Variants in CLMN observed in about 807,000 individuals in gnomAD.
CLMN encodes calmin (calponin-like, transmembrane).
In CLMN, 57 loss-of-function variants were observed where a neutral mutation model predicts 92.7. The observed-to-expected ratio is 0.61, with a 90% CI of 0.50 to 0.77. The LOEUF is 0.77. Among genes scored for constraint, CLMN ranks in the 30% least tolerant of loss-of-function variants. CLMN has a pLI of 0.00. For synonymous variants in CLMN, 466 were observed against 470.6 expected, an observed-to-expected ratio of 0.99 and a Z score of 0.13; for missense variants, 1,158 against 1,237.5, an observed-to-expected ratio of 0.94 and a Z score of 0.96.
chr14:95,319,641 C>A, intron 1 of CLMN, 70 bp downstream of exon 1: 2 of 1,293,250 alleles, frequency 1.5e-6, no homozygotes, highest in East Asian at 2.7e-5. Flanking sequence ...GGGGAGTTGC[C>A]AAGTGTCGGA....
intron 1 of CLMN, among the ~76,000 whole-genome samples, chr14:95,244,800 C>A (rs886332022): frequency 5.3e-5 from 8 of 151,918 alleles, no homozygotes; most frequent in Admixed American, 4.6e-4. Context: ...ATATCACTAA[C>A]AGATCCCCTT....
chr14:95,302,292 T>G (rs1901092710), intron 1 of CLMN, among the ~76,000 whole-genome samples: 1 of 151,544 alleles, frequency 6.6e-6, no homozygotes, highest in Admixed American at 6.6e-5. Context: ...AGAGTGAGAC[T>G]TTGTCTCAAA....
intron 8 of CLMN, among the ~76,000 whole-genome samples, chr14:95,207,899 G>T (rs548696482): frequency 6.6e-6 from 1 of 152,326 alleles, no homozygotes; most frequent in South Asian, 2.1e-4. Context: ...AGGGAAACAA[G>T]AGCCTGAACT....
At chr14:95,233,267 G>C (rs1051640102) in intron 1 of CLMN, among the ~76,000 whole-genome samples, 5 of 152,120 alleles carry the variant, frequency 3.3e-5, no homozygotes, top group African/African-American at 1.2e-4. Context: ...GGGTGTAAAT[G>C]AGGAGGTGGG....
intron 1 of CLMN, among the ~76,000 whole-genome samples, chr14:95,301,756 A>T (rs571329887): frequency 3.3e-5 from 5 of 152,126 alleles, no homozygotes; most frequent in African/African-American, 1.2e-4. Context: ...CCTCCACCCA[A>T]CGCAAAGTCC....
intron 1 of CLMN, among the ~76,000 whole-genome samples, chr14:95,292,698 C>A (rs1396857927): frequency 1.3e-5 from 2 of 152,112 alleles, no homozygotes; most frequent in African/African-American, 4.8e-5. Flanking sequence ...GACCATTATG[C>A]TTGTGCCCCC....
intron 1 of CLMN, among the ~76,000 whole-genome samples, chr14:95,311,919 C>T (rs904595048): frequency 1.3e-5 from 2 of 152,058 alleles, no homozygotes; most frequent in Admixed American, 6.5e-5. Flanking sequence ...GTGACTCATG[C>T]GGGCCTCTTC....
chr14:95,279,730 C>T (rs549701564), intron 1 of CLMN, among the ~76,000 whole-genome samples: 1 of 152,328 alleles, frequency 6.6e-6, no homozygotes, highest in East Asian at 1.9e-4. Flanking sequence ...TTGCAGTGAG[C>T]CAAGATCATG....
At position 95,308,686 on chromosome 14, in the gene CLMN, C is replaced by A. The variant is rs536589249; in HGVS notation, c.82+11025G>T. 6.2e-5 allele frequency among the ~76,000 whole-genome samples: 9 copies of A among 146,094 alleles called. 2 individuals are homozygous for A. In the South Asian group the frequency reaches 2.0e-3, roughly 33 times the overall value. On this transcript the variant is annotated intron_variant, in intron 1 of 12. Transcript: ENST00000298912. ...ACACTCCCCATGATCGCATCAGTGC[C>A]CTATAACCAATAAAGGCAGTCCCTG...
chr14:95,297,411 G>A (rs984371299), intron 1 of CLMN, among the ~76,000 whole-genome samples: 15 of 152,110 alleles, frequency 9.9e-5, no homozygotes, highest in African/African-American at 3.4e-4. Context: ...GTACAGTTCT[G>A]TGAGTTCTGG....
In CLMN at chr14:95,319,738, T is replaced by C. The variant is rs1183408310; in HGVS notation, c.55A>G (p.Ser19Gly). Reference sequence around the variant, plus strand: ...TGCAGGTTCTGCACTCGGATGTCGCTAATCTGCCCGATGAGCTCCTCGCGT... The same window carrying C: ...TGCAGGTTCTGCACTCGGATGTCGCCAATCTGCCCGATGAGCTCCTCGCGT... ...FQREELIGQI[S>G]DIRVQNLQVE... Residue 19 changes from serine (S) to glycine (G), a missense_variant, in exon 1 of 13, where the codon AGC becomes GGC. By Grantham distance (56) the Ser-to-Gly change is moderately conservative. Transcript: ENST00000298912. 1.9e-5 allele frequency: 30 copies of C among 1,597,248 alleles called. No homozygotes were observed. Among genetic ancestry groups the C allele is most frequent in the Non-Finnish European group, 2.6e-5 (30 of 1,175,694 alleles).
intron 1 of CLMN, among the ~76,000 whole-genome samples, chr14:95,231,177 G>A (rs1252942711): frequency 6.6e-6 from 1 of 151,662 alleles, no homozygotes; most frequent in Admixed American, 6.6e-5. Flanking sequence ...ATCAACAGAG[G>A]CATTAAATCC....
At chr14:95,273,131 T>C (rs536892192) in intron 1 of CLMN, among the ~76,000 whole-genome samples, 39 of 152,286 alleles carry the variant, frequency 2.6e-4, no homozygotes, top group Non-Finnish European at 4.3e-4. Flanking sequence ...GAGTCAGCCC[T>C]GCAAATTATG....
intron 12 of CLMN, chr14:95,192,945 C>A: frequency 5.1e-6 from 1 of 195,646 alleles, no homozygotes; most frequent in Non-Finnish European, 1.0e-5. Flanking sequence ...TGAGCATATC[C>A]AGCCTGGTGG....
At chr14:95,208,790 T>C (rs1897115980) in intron 8 of CLMN, among the ~76,000 whole-genome samples, 1 of 152,218 alleles carries the variant, frequency 6.6e-6, no homozygotes, top group South Asian at 2.1e-4. Flanking sequence ...TTCCTAAGTT[T>C]CAAATGGAGT....
chr14:95,253,836 G>A (rs934074575), intron 1 of CLMN, among the ~76,000 whole-genome samples: 10 of 152,076 alleles, frequency 6.6e-5, no homozygotes, highest in East Asian at 1.9e-4. Context: ...GGATGGTCTC[G>A]ATCTCCTGAC....
chr14:95,204,489 A>C, intron 8 of CLMN, 26 bp from the exon 9 acceptor site: 1 of 1,524,614 alleles, frequency 6.6e-7, no homozygotes, highest in East Asian at 2.3e-5. Context: ...AAAACAAACA[A>C]ACAAAAAAAA....
rs1896537358 is a variant in CLMN, at chr14:95,190,577, C to G, written c.*987G>C. 2 of 152,502 alleles carry G rather than the reference C, an allele frequency of 1.3e-5. No individual in the cohort carries two copies. The highest frequency in any genetic ancestry group is 1.3e-4 in the Admixed American group (2 of 15,288). The allele number at this position is 152,502 out of a possible 1,614,324, so 9.4% of individuals were successfully genotyped here. A position where few individuals can be genotyped will look rare whatever the true frequency, so the allele number is the denominator to read the frequency against. On this transcript the variant is annotated 3_prime_UTR_variant, in exon 13 of 13. Transcript: ENST00000298912. ...CAGGGGTGCTAGAGATGCCTCTCTT[C>G]TTTCACAAACCTCCTGTGCTGGCCT...
intron 10 of CLMN, among the ~76,000 whole-genome samples, chr14:95,195,895 A>T (rs1896698101): frequency 6.6e-6 from 1 of 152,188 alleles, no homozygotes; most frequent in African/African-American, 2.4e-5. Context: ...GTGGCCTTGG[A>T]GTGACAGAGC....
Sources: allele counts gnomAD v4.1 joint callset (sites outside exome capture counted in the v4.1 genomes callset), GRCh38; gene constraint gnomAD v4.1.1; transcripts MANE v1.5; gene names NCBI Gene and HGNC (gene_info 2026-07-23, HGNC 2026-07-21).